Variants in NRG1 observed in about 807,000 individuals in gnomAD.
NRG1 encodes the protein pro-neuregulin-1, membrane-bound isoform.
In NRG1, 18 loss-of-function variants were observed where a neutral mutation model predicts 63.8. That is an observed-to-expected ratio of 0.28 (90% CI 0.19 to 0.42). NRG1 has a LOEUF of 0.42. NRG1 is among the 10% of genes least tolerant of loss of function. The pLI, the probability that NRG1 is intolerant of heterozygous loss-of-function variation, is 1.00. For synonymous variants in NRG1, 302 were observed against 301.3 expected, an observed-to-expected ratio of 1.00 and a Z score of -0.02; for missense variants, 762 against 814.7, an observed-to-expected ratio of 0.94 and a Z score of 0.79.
intron 1 of NRG1, among the ~76,000 whole-genome samples, chr8:32,021,584 A>C (rs1204493780): frequency 1.5e-4 from 23 of 152,188 alleles, no homozygotes; most frequent in Admixed American, 1.0e-3. Flanking sequence ...TGATGAGAAC[A>C]AACCAACCAT....
chr8:32,764,170 G>C (rs376169851), exon 12 of NRG1: 3 of 1,614,120 alleles, frequency 1.9e-6, no homozygotes, highest in Non-Finnish European at 2.5e-6. Context: ...GAAGTGGACA[G>C]CAACACAAGC....
intron 1 of NRG1, among the ~76,000 whole-genome samples, chr8:31,890,560 A>G (rs969743075): frequency 4.6e-5 from 7 of 152,158 alleles, no homozygotes; most frequent in African/African-American, 1.7e-4. Context: ...TAATCATGAC[A>G]TTTCCTAGAG....
At chr8:32,076,470 T>C (rs1362129770) in intron 1 of NRG1, among the ~76,000 whole-genome samples, 1 of 152,204 alleles carries the variant, frequency 6.6e-6, no homozygotes, top group Non-Finnish European at 1.5e-5. Flanking sequence ...ATAGTTCACG[T>C]TGAGTGTTTG....
intron 5 of NRG1, among the ~76,000 whole-genome samples, chr8:32,625,985 G>A (rs2129543286): frequency 6.6e-6 from 1 of 151,834 alleles, no homozygotes; most frequent in South Asian, 2.1e-4. Context: ...GTAGAGATGG[G>A]GTTTCACCAT....
In NRG1 at chr8:32,720,473, G is replaced by A. The variant is rs954805767; in HGVS notation, c.503-7476G>A. 1.1e-4 allele frequency among the ~76,000 whole-genome samples: 17 copies of A among 152,086 alleles called. 2 individuals carry two copies. The highest frequency in any genetic ancestry group is 9.8e-4 in the Admixed American group (15 of 15,256). On this transcript the variant is annotated intron_variant, in intron 5 of 11. Transcript: ENST00000356819. ...TAGAATCTAAGTATTGATGGAAAAA[G>A]ATTCAAGGGACAGCTTGAAAGTTTG... is the stretch of plus-strand genomic sequence containing the variant.
At chr8:31,982,038 T>C (rs1809204166) in intron 1 of NRG1, among the ~76,000 whole-genome samples, 2 of 151,672 alleles carry the variant, frequency 1.3e-5, no homozygotes, top group South Asian at 2.1e-4. Flanking sequence ...GCACAGAGAT[T>C]TTGAGAAAAT....
At chr8:32,632,278 C>A (rs1024037102) in intron 5 of NRG1, among the ~76,000 whole-genome samples, 1 of 152,052 alleles carries the variant, frequency 6.6e-6, no homozygotes, top group Admixed American at 6.5e-5. Context: ...ACTGGCCAGG[C>A]GTGGTGGCTC....
intron 1 of NRG1, among the ~76,000 whole-genome samples, chr8:32,429,536 G>C (rs1280616611): frequency 6.6e-6 from 1 of 152,186 alleles, no homozygotes; most frequent in Non-Finnish European, 1.5e-5. Context: ...GAAATTGTTA[G>C]AACATGACTT....
intron 1 of NRG1, among the ~76,000 whole-genome samples, chr8:31,690,287 G>C (rs1809362215): frequency 6.6e-6 from 1 of 152,088 alleles, no homozygotes. Context: ...CTTCATAGCA[G>C]CATGAGAATG....
chr8:32,357,075 A>G (rs1806531575), intron 1 of NRG1, among the ~76,000 whole-genome samples: 2 of 152,146 alleles, frequency 1.3e-5, no homozygotes, highest in Non-Finnish European at 2.9e-5. Flanking sequence ...CATGGTATGG[A>G]CTTTCAGTTT....
At chr8:32,004,958 G>A (rs327338) in intron 1 of NRG1, among the ~76,000 whole-genome samples, 113,674 of 151,342 alleles carry the variant, frequency 0.75, 43,354 homozygotes, top group African/African-American at 0.83. Context: ...GGAAAAATAG[G>A]ATTTGAGAAT....
At chr8:32,032,835 A>C (rs1309009453) in intron 1 of NRG1, among the ~76,000 whole-genome samples, 1 of 152,116 alleles carries the variant, frequency 6.6e-6, no homozygotes, top group African/African-American at 2.4e-5. Context: ...CAATTTTGTC[A>C]TGAAATCTTT....
chr8:32,577,403 G>T (rs1839860470), intron 1 of NRG1, among the ~76,000 whole-genome samples: 1 of 152,168 alleles, frequency 6.6e-6, no homozygotes, highest in Admixed American at 6.5e-5. Context: ...GAAGTTGTCT[G>T]CAACACCACT....
At chr8:32,002,361 C>CATTT (rs1221044404) in intron 1 of NRG1, among the ~76,000 whole-genome samples, 1 of 151,916 alleles carries the variant, frequency 6.6e-6, no homozygotes. Flanking sequence ...TCTTCTATCC[C>CATTT]ATTTATTTAT....
intron 4 of NRG1, among the ~76,000 whole-genome samples, chr8:32,615,529 G>A (rs886596120): frequency 1.3e-5 from 2 of 151,982 alleles, no homozygotes; most frequent in African/African-American, 4.8e-5. Flanking sequence ...AGAAGAGAAG[G>A]TATTTCAAGT....
At chr8:31,760,265 T>A (rs1586204023) in intron 1 of NRG1, among the ~76,000 whole-genome samples, 1 of 152,174 alleles carries the variant, frequency 6.6e-6, no homozygotes, top group Non-Finnish European at 1.5e-5. Context: ...GCTTTCTACA[T>A]ATGGCTAGCC....
chr8:32,466,804 CAGA>C (rs1231086761), intron 1 of NRG1, among the ~76,000 whole-genome samples: 5 of 151,938 alleles, frequency 3.3e-5, no homozygotes, highest in Non-Finnish European at 5.9e-5. Context: ...CTCTTTAAAT[CAGA>C]AGTATTTGAC....
intron 1 of NRG1, among the ~76,000 whole-genome samples, chr8:32,490,126 A>G (rs1035494555): frequency 2.6e-5 from 4 of 152,182 alleles, no homozygotes; most frequent in Non-Finnish European, 5.9e-5. Flanking sequence ...CAACATAGTG[A>G]GACCCCATCT....
chr8:32,303,206 A>G lies in NRG1; in HGVS notation c.38-292622A>G, dbSNP rs375667466. The stretch of plus-strand genomic sequence containing the variant: ...CTCCAAAAAAAAAAAAAAAAAAAAA[A>G]AGAGAAAAGAAAGAAAAGAAAAGAT... On this transcript the variant is annotated intron_variant, in intron 1 of 10. Transcript: ENST00000519301. 8.6e-3 allele frequency among the ~76,000 whole-genome samples: 1,253 copies of G among 146,164 alleles called. 14 individuals are homozygous for G. Among genetic ancestry groups the G allele is most frequent in the African/African-American group, 0.032 (1,180 of 37,126 alleles).
Sources: allele counts gnomAD v4.1 joint callset (sites outside exome capture counted in the v4.1 genomes callset), GRCh38; gene constraint gnomAD v4.1.1; transcripts MANE v1.5; gene names NCBI Gene and HGNC (gene_info 2026-07-23, HGNC 2026-07-21).